The following SLCO5A1 variants were observed in gnomAD, a reference collection of about 807,000 sequenced individuals.
The protein encoded by SLCO5A1 is solute carrier organic anion transporter family member 5A1.
A neutral mutation model predicts 65.1 loss-of-function variants in SLCO5A1; 39 were observed. The observed-to-expected ratio is 0.60, with a 90% confidence interval of 0.46 to 0.78. SLCO5A1 has a LOEUF of 0.78. Ranked by LOEUF, SLCO5A1 falls within the 30% of genes least tolerant of loss-of-function variation. The pLI, the probability that SLCO5A1 is intolerant of heterozygous loss-of-function variation, is 0.00. For synonymous variants in SLCO5A1, 438 were observed against 415.7 expected (o/e 1.05, Z -0.65); for missense variants, 1,029 against 1,069.4 (o/e 0.96, Z 0.53).
chr8:69,734,601 C>G (rs1816476977), intron 5 of SLCO5A1, among the ~76,000 whole-genome samples: 1 of 152,190 alleles, frequency 6.6e-6, no homozygotes, highest in South Asian at 2.1e-4. Context: ...GTGCTGTGCA[C>G]AGAGCTGGCA....
intron 2 of SLCO5A1, among the ~76,000 whole-genome samples, chr8:69,826,262 A>C (rs1439335794): frequency 1.5e-4 from 23 of 151,786 alleles, no homozygotes. Context: ...ATGGCAACAA[A>C]AGACAAAATT....
chr8:69,815,689 CAA>C (rs1820376764), intron 2 of SLCO5A1, among the ~76,000 whole-genome samples: 1 of 146,078 alleles, frequency 6.8e-6, no homozygotes, highest in African/African-American at 2.6e-5. Flanking sequence ...CACACACACA[CAA>C]AATTACATCA....
In SLCO5A1 at chr8:69,683,750, A is replaced by G. The variant is rs189005180; in HGVS notation, c.1623-1407T>C. Among the ~76,000 whole-genome samples the G allele has an allele frequency of 4.0e-4, 61 of 152,108 alleles. 1 individual carries two copies. The highest frequency in any genetic ancestry group is 5.9e-5 in the Non-Finnish European group (4 of 68,006). On this transcript the variant is annotated intron_variant, in intron 6 of 9. Coordinates refer to ENST00000260126, the MANE Select transcript of SLCO5A1 (RefSeq NM_030958.3). Reference sequence around the variant, plus strand: ...GCTAATTTTTGTATTTTCAGTAGAGATGGGGTTTCACCATGTTGGCCAGGC... The same window carrying G: ...GCTAATTTTTGTATTTTCAGTAGAGGTGGGGTTTCACCATGTTGGCCAGGC...
chr8:69,689,490 T>C (rs1814148318), intron 6 of SLCO5A1, among the ~76,000 whole-genome samples: 2 of 138,760 alleles, frequency 1.4e-5, no homozygotes, highest in Middle Eastern at 3.5e-3. Context: ...TATAAGTCTT[T>C]AATCCATCTT....
At chr8:69,773,084 G>T in intron 2 of SLCO5A1, 2 of 423,892 alleles carry the variant, frequency 4.7e-6, no homozygotes, top group Non-Finnish European at 6.3e-6. Flanking sequence ...AAGGCACACA[G>T]ATTTGAACGT....
chr8:69,786,237 G>A (rs1457496712), intron 2 of SLCO5A1, among the ~76,000 whole-genome samples: 2 of 152,068 alleles, frequency 1.3e-5, no homozygotes, highest in Non-Finnish European at 2.9e-5. Flanking sequence ...TAAGAGTTCT[G>A]CATTTCATAT....
intron 5 of SLCO5A1, among the ~76,000 whole-genome samples, chr8:69,721,240 G>A (rs184027866): frequency 2.6e-5 from 4 of 152,224 alleles, no homozygotes; most frequent in Non-Finnish European, 5.9e-5. Flanking sequence ...TGGAAGCACT[G>A]TGGGTGATTA....
chr8:69,831,628 A>T lies in SLCO5A1; in HGVS notation c.907+139T>A, dbSNP rs574215646. On this transcript the variant is annotated intron_variant, in intron 2 of 9. Transcript: ENST00000260126. ...CCCAAACTGAAAACACACTACAGCAAGGCTAAAACGTAAAATAAAGTGAAC... is the reference window on the plus strand; with the variant it reads ...CCCAAACTGAAAACACACTACAGCATGGCTAAAACGTAAAATAAAGTGAAC... 5.0e-5 allele frequency: 47 copies of T among 943,366 alleles called. No individual in the cohort carries two copies. The Middle Eastern group carries it at 6.7e-4, about 13-fold the overall frequency. 58.4% of individuals were successfully genotyped at this position (943,366 alleles called of 1,614,324 possible). A position where few individuals can be genotyped will look rare whatever the true frequency, so the allele number is the denominator to read the frequency against.
intron 2 of SLCO5A1, among the ~76,000 whole-genome samples, chr8:69,829,976 G>A (rs141129263): frequency 3.4e-4 from 52 of 152,234 alleles, no homozygotes; most frequent in African/African-American, 1.2e-3. Flanking sequence ...TGGGTATACT[G>A]GTGCTTATTA....
chr8:69,768,211 A>G (rs551074630), intron 2 of SLCO5A1, among the ~76,000 whole-genome samples: 22 of 152,328 alleles, frequency 1.4e-4, no homozygotes, highest in African/African-American at 5.3e-4. Context: ...CAGCCTGTGC[A>G]ACAGAGTAAG....
intron 4 of SLCO5A1, among the ~76,000 whole-genome samples, chr8:69,752,320 C>T (rs1043408580): frequency 6.6e-6 from 1 of 152,032 alleles, no homozygotes; most frequent in African/African-American, 2.4e-5. Flanking sequence ...ATCTGGGACT[C>T]AAACTCAGAT....
intron 2 of SLCO5A1, among the ~76,000 whole-genome samples, chr8:69,830,291 C>T (rs1821104715): frequency 6.6e-6 from 1 of 152,132 alleles, no homozygotes; most frequent in Non-Finnish European, 1.5e-5. Flanking sequence ...TCTTACTATT[C>T]CCAAATCAAG....
intron 5 of SLCO5A1, among the ~76,000 whole-genome samples, chr8:69,726,589 TTTTGTGTACAAGCGATCCTCCCA>T (rs767077175): frequency 6.6e-6 from 1 of 151,690 alleles, no homozygotes; most frequent in Non-Finnish European, 1.5e-5. Flanking sequence ...AACCTCTGTC[TTTTGTGTACAAGCGATCCTCCCA>T]CCTCAGCCTC....
At position 69,674,870 on chromosome 8, in the gene SLCO5A1, CAAA is replaced by C. The variant is rs11378444; in HGVS notation, c.2090-1547_2090-1545del. ...ACCCCATCTCTACTAAAAAAAAAAA[CAAA>C]AAAAAAAAATGCAAAAATTAGCCAG... On this transcript the variant is annotated intron_variant, in intron 9 of 9. Coordinates refer to ENST00000260126, the MANE Select transcript of SLCO5A1 (RefSeq NM_030958.3). 4.4e-5 allele frequency among the ~76,000 whole-genome samples: 6 copies of C among 137,662 alleles called. No individual in the cohort carries two copies. The East Asian group carries it at 6.4e-4, about 15-fold the overall frequency. The allele number at this position is 137,662 out of a possible 152,430, so 90.3% of individuals were successfully genotyped here. A position where few individuals can be genotyped will look rare whatever the true frequency, so the allele number is the denominator to read the frequency against.
rs1324498936 is a variant in SLCO5A1, at chr8:69,673,054, CG to C, written c.2361del (p.Asp788ThrfsTer42). ...GGGCAAGATCTAGTCCGGGCATTGT[CG>C]GGGTGTCCCACTCTCTCACTCACGG... Reference protein sequence around the residue: ...LSTVSERVGHPDNARTRSCPA... With the variant: ...LSTVSERVGHXDNARTRSCPA... On this transcript the variant is annotated frameshift_variant, in exon 10 of 10. Transcript: ENST00000260126. LOFTEE classifies it high-confidence loss of function. 6.2e-7 allele frequency: 1 copy of C among 1,614,194 alleles called. No homozygotes were observed. The highest frequency in any genetic ancestry group is 2.2e-5 in the East Asian group (1 of 44,874).
intron 4 of SLCO5A1, 66 bp from the exon 5 acceptor site, chr8:69,738,270 A>G: frequency 7.0e-7 from 1 of 1,428,948 alleles, no homozygotes; most frequent in Non-Finnish European, 9.4e-7. Context: ...ATAAAACTGA[A>G]TTGTTTTTGA....
At chr8:69,699,019 C>T (rs917900320) in intron 6 of SLCO5A1, among the ~76,000 whole-genome samples, 1 of 152,020 alleles carries the variant, frequency 6.6e-6, no homozygotes, top group African/African-American at 2.4e-5. Flanking sequence ...AAACAGAAAG[C>T]GTGAATGAGA....
Position 69,669,265 on chromosome 8 carries a change from T to A in SLCO5A1, c.*3604A>T, listed in dbSNP as rs2130778853. The A allele has an allele frequency of 6.6e-6, 1 of 151,984 alleles. No individual in the cohort carries two copies. The highest frequency in any genetic ancestry group is 1.5e-5 in the Non-Finnish European group (1 of 67,942). 9.4% of individuals were successfully genotyped at this position (151,984 alleles called of 1,614,324 possible). A position where few individuals can be genotyped will look rare whatever the true frequency, so the allele number is the denominator to read the frequency against. ...TATTTCCTACAGATGTTTCCTACAG[T>A]TTTTTTTATTTACACAAAAAAACCT... On this transcript the variant is annotated 3_prime_UTR_variant, in exon 10 of 10. Transcript: ENST00000260126.
intron 2 of SLCO5A1, among the ~76,000 whole-genome samples, chr8:69,763,350 C>T (rs1044401008): frequency 1.1e-4 from 17 of 151,240 alleles, no homozygotes; most frequent in Non-Finnish European, 5.9e-5. Flanking sequence ...CGCAGTGGCT[C>T]ATGCCTATAA....
Sources: allele counts gnomAD v4.1 joint callset (sites outside exome capture counted in the v4.1 genomes callset), GRCh38; gene constraint gnomAD v4.1.1; transcripts MANE v1.5; gene names NCBI Gene and HGNC (gene_info 2026-07-23, HGNC 2026-07-21).